The following CD109 variants were observed in gnomAD, a reference collection of about 807,000 sequenced individuals.
CD109 encodes CD109 molecule, also known as CD109 antigen.
Under a neutral mutation model 165.8 loss-of-function variants are expected in CD109, and 149 were observed. The observed-to-expected ratio is 0.90, with a 90% CI of 0.79 to 1.03. CD109 has a LOEUF of 1.03. Ranked by LOEUF, CD109 falls within the 50% of genes least tolerant of loss-of-function variation. The pLI is 0.00. For synonymous variants in CD109, 585 were observed against 592.1 expected, an observed-to-expected ratio of 0.99 and a Z score of 0.18; for missense variants, 1,712 against 1,677.8, an observed-to-expected ratio of 1.02 and a Z score of -0.36.
intron 7 of CD109, 53 bp downstream of exon 7, chr6:73,759,081 A>G (rs1773515558): frequency 1.0e-5 from 12 of 1,166,130 alleles, no homozygotes; most frequent in Non-Finnish European, 1.3e-5. Flanking sequence ...AAACTGTGTG[A>G]CCAAAAGCTG....
chr6:73,763,053 G>C (rs1342792563), intron 9 of CD109, among the ~76,000 whole-genome samples, 171 bp downstream of exon 9: 1 of 152,038 alleles, frequency 6.6e-6, no homozygotes, highest in Admixed American at 6.6e-5. Flanking sequence ...TTTATAAGGG[G>C]GACCTTATTT....
At chr6:73,694,287 G>T (rs1770748729), upstream of CD109, 1 of 152,194 alleles carries the variant, frequency 6.6e-6, no homozygotes, top group Admixed American at 6.5e-5. Flanking sequence ...CTCTGTGCCA[G>T]GCATGTAATA....
the CD109 span, among the ~76,000 whole-genome samples, chr6:73,690,484 C>A: frequency 7.3e-5 from 11 of 151,654 alleles, no homozygotes; most frequent in African/African-American, 2.2e-4. Flanking sequence ...TCACCGCAAC[C>A]TCCGCCTCCC....
Position 73,768,228 on chromosome 6 carries a change from TAAGGTAA to T in CD109, c.1672_1674+4del, listed in dbSNP as rs780124579. The T allele has an allele frequency of 1.3e-6, 2 of 1,540,894 alleles. No homozygotes were observed. The highest frequency in any genetic ancestry group is 2.3e-5 in the South Asian group (2 of 87,830). On this transcript the variant is annotated splice_donor_variant and splice_donor_region_variant and coding_sequence_variant and intron_variant, in exon 14 of 33. Coordinates refer to ENST00000287097, the MANE Select transcript of CD109 (RefSeq NM_133493.5). LOFTEE classifies it high-confidence loss of function. Reference sequence around the variant, plus strand: ...TTCCTGTTCAGCTTGTTTTTAAAAATAAGGTAAGATTTAAGGTAATGATGTTTAAAAG... The same window carrying T: ...TTCCTGTTCAGCTTGTTTTTAAAAATGATTTAAGGTAATGATGTTTAAAAG...
At chr6:73,708,714 C>G (rs537907588) in intron 2 of CD109, among the ~76,000 whole-genome samples, 24 of 152,260 alleles carry the variant, frequency 1.6e-4, no homozygotes, top group Non-Finnish European at 2.9e-4. Flanking sequence ...GATGGTATCT[C>G]ATTGTGGTTT....
In CD109 at chr6:73,811,000, T is replaced by A. The variant is rs1171139696; in HGVS notation, c.3555T>A (p.Thr1185=). 5 of 1,612,848 alleles carry A rather than the reference T, an allele frequency of 3.1e-6. No individual in the cohort carries two copies. The Admixed American group carries it at 8.3e-5, about 27-fold the overall frequency. ...TTTTCTTCCCTCAACAGGATACCAC[T>A]GTGGCTTTAAAGGCTCTGTCTGAAT... ...LGGFASTQDT[T]VALKALSEFA... The change falls in exon 28 of 33, where the codon ACT becomes ACA. Residue 1185 remains threonine (T), a synonymous_variant. Coordinates refer to ENST00000287097, the MANE Select transcript of CD109 (RefSeq NM_133493.5).
Position 73,764,369 on chromosome 6 carries a change from A to G in CD109, c.1107+684A>G, listed in dbSNP as rs550769399. Among the ~76,000 whole-genome samples, 5 of 152,364 alleles carry G rather than the reference A, an allele frequency of 3.3e-5. No individual in the cohort carries two copies. In the South Asian group the frequency reaches 1.0e-3, roughly 32 times the overall value. On this transcript the variant is annotated intron_variant, in intron 10 of 32. Coordinates refer to ENST00000287097, the MANE Select transcript of CD109 (RefSeq NM_133493.5). ...GCTTTGTGGCCATGTGGTCTTTGTC[A>G]CAGCTACTCAGCCCTGCCATTGTAG...
chr6:73,820,836 T>C (rs941143576), intron 32 of CD109, among the ~76,000 whole-genome samples: 3 of 152,198 alleles, frequency 2.0e-5, no homozygotes, highest in Non-Finnish European at 4.4e-5. Context: ...TTATAAACTT[T>C]ACAAAGAAAA....
At chr6:73,774,413 C>A (rs971661555) in intron 15 of CD109, among the ~76,000 whole-genome samples, 3 of 152,124 alleles carry the variant, frequency 2.0e-5, no homozygotes, top group Admixed American at 2.0e-4. Context: ...TTCAGTGTTT[C>A]ACTCTTAAAC....
chr6:73,805,257 G>T (rs932672935), intron 24 of CD109, among the ~76,000 whole-genome samples: 1 of 152,208 alleles, frequency 6.6e-6, no homozygotes, highest in East Asian at 1.9e-4. Context: ...CTGTTAATCT[G>T]TAACCTTACC....
rs1196785453 is a variant in CD109 at position 73,787,250 on chromosome 6, A to G, written c.2354A>G (p.Glu785Gly). Reference sequence around the variant, plus strand: ...TTCTTTCAGGTTAAGGTAATCATTGAGAAAAGTGACAAATTTGATATTCTA... The same window carrying G: ...TTCTTTCAGGTTAAGGTAATCATTGGGAAAAGTGACAAATTTGATATTCTA... The part of the protein sequence containing the change: ...KDATEVKVII[E>G]KSDKFDILMT... The change falls in exon 21 of 33, where the codon GAG becomes GGG. Residue 785 changes from glutamate to glycine, a missense_variant. Transcript: ENST00000287097. 1 of 1,610,960 alleles carries G rather than the reference A, an allele frequency of 6.2e-7. No homozygotes were observed. Among genetic ancestry groups the G allele is most frequent in the East Asian group, 2.2e-5 (1 of 44,878 alleles).
intron 5 of CD109, among the ~76,000 whole-genome samples, chr6:73,740,607 T>C (rs940650280): frequency 7.5e-5 from 10 of 134,106 alleles, no homozygotes; most frequent in Admixed American, 3.1e-4. Flanking sequence ...TTCTTTCTTT[T>C]TTTTTTTTTT....
At chr6:73,698,070 C>T (rs1770923625) in intron 2 of CD109, among the ~76,000 whole-genome samples, 1 of 152,044 alleles carries the variant, frequency 6.6e-6, no homozygotes, top group Admixed American at 6.5e-5. Flanking sequence ...AAAAGCTACA[C>T]AATAGTTAAA....
chr6:73,819,229 G>A (rs771083752), intron 31 of CD109, among the ~76,000 whole-genome samples: 101 of 152,182 alleles, frequency 6.6e-4, no homozygotes, highest in Non-Finnish European at 9.6e-4. Flanking sequence ...GAAAAATTAG[G>A]TGCTAAATCA....
At chr6:73,791,217 AT>A (rs1274937192) in intron 22 of CD109, among the ~76,000 whole-genome samples, 16 of 120,670 alleles carry the variant, frequency 1.3e-4, no homozygotes, top group Non-Finnish European at 1.6e-4. Context: ...ATATATATAT[AT>A]ATAATTTTTT....
intron 19 of CD109, 105 bp downstream of exon 19, chr6:73,783,929 A>C: frequency 3.1e-6 from 2 of 638,902 alleles, no homozygotes; most frequent in Non-Finnish European, 2.7e-6. Context: ...TGTTTATCAC[A>C]GTTTAGAGAT....
chr6:73,802,809 C>T (rs1267230175), intron 23 of CD109, among the ~76,000 whole-genome samples: 2 of 151,400 alleles, frequency 1.3e-5, no homozygotes, highest in Non-Finnish European at 1.5e-5. Context: ...AAGCGATTCT[C>T]CTGCCTCAGC....
At chr6:73,707,408 A>T (rs1198494229) in intron 2 of CD109, among the ~76,000 whole-genome samples, 1 of 152,112 alleles carries the variant, frequency 6.6e-6, no homozygotes, top group South Asian at 2.1e-4. Flanking sequence ...AGAGTGGAGT[A>T]AGCTACAGAG....
chr6:73,787,950 A>G (rs1224389351), intron 21 of CD109, among the ~76,000 whole-genome samples: 1 of 152,180 alleles, frequency 6.6e-6, no homozygotes, highest in East Asian at 1.9e-4. Flanking sequence ...CCCTCTTTGG[A>G]TAATAATAGG....
Sources: allele counts gnomAD v4.1 joint callset (sites outside exome capture counted in the v4.1 genomes callset), GRCh38; gene constraint gnomAD v4.1.1; transcripts MANE v1.5; gene names NCBI Gene and HGNC (gene_info 2026-07-23, HGNC 2026-07-21).